Variants in ANKRD12 observed in about 807,000 individuals in gnomAD.
ANKRD12 encodes the protein ankyrin repeat domain-containing protein 12.
In ANKRD12, 85 loss-of-function variants were observed where a neutral mutation model predicts 183.4. The observed-to-expected ratio is 0.46, with a 90% CI of 0.39 to 0.56. ANKRD12 has a LOEUF of 0.56. Ranked by LOEUF, ANKRD12 falls within the 20% of genes least tolerant of loss-of-function variation. The pLI is 0.00. For synonymous variants in ANKRD12, 914 were observed against 800.2 expected (o/e 1.14, Z -2.40); for missense variants, 2,405 against 2,357.1 (o/e 1.02, Z -0.42).
chr18:9,215,450 GCTGT>G (rs1270872612), intron 6 of ANKRD12, among the ~76,000 whole-genome samples: 2 of 152,058 alleles, frequency 1.3e-5, no homozygotes, highest in African/African-American at 4.8e-5. Flanking sequence ...CAGGAAGGAG[GCTGT>G]CTTTTAGTGT....
chr18:9,202,966 G>T (rs2144528825), intron 3 of ANKRD12, among the ~76,000 whole-genome samples: 1 of 152,228 alleles, frequency 6.6e-6, no homozygotes, highest in African/African-American at 2.4e-5. Flanking sequence ...TGAAAGCTTA[G>T]TTTATTCACT....
intron 1 of ANKRD12, among the ~76,000 whole-genome samples, chr18:9,152,587 G>C (rs937372105): frequency 6.6e-6 from 1 of 151,240 alleles, no homozygotes; most frequent in African/African-American, 2.4e-5. Flanking sequence ...ACAGACTCTT[G>C]ATTAGTGAGT....
At chr18:9,270,091 A>G (rs1257146099) in intron 10 of ANKRD12, among the ~76,000 whole-genome samples, 3 of 152,222 alleles carry the variant, frequency 2.0e-5, no homozygotes, top group African/African-American at 7.2e-5. Flanking sequence ...TAGAATGGCG[A>G]TCATTAAAAA....
In ANKRD12 at chr18:9,172,774, G is replaced by A. The variant is rs532920918; in HGVS notation, c.-51-9608G>A. Among the ~76,000 whole-genome samples, 172 of 152,270 alleles carry A rather than the reference G, an allele frequency of 1.1e-3. 3 individuals carry two copies. Among genetic ancestry groups the A allele is most frequent in the African/African-American group, 3.9e-3 (164 of 41,540 alleles). The stretch of plus-strand genomic sequence containing the variant: ...TCTGTCCCCTTGCTGAAGAGGTGTT[G>A]TGGTAATTTAGAGAAGAGGCACTCT... On this transcript the variant is annotated intron_variant, in intron 1 of 12. Transcript: ENST00000262126.
chr18:9,234,289 A>T (rs2037219265), intron 8 of ANKRD12, among the ~76,000 whole-genome samples: 1 of 152,096 alleles, frequency 6.6e-6, no homozygotes, highest in African/African-American at 2.4e-5. Context: ...GGCAGAAGGG[A>T]TCCCACTCTA....
At chr18:9,173,640 A>C (rs2144033920) in intron 1 of ANKRD12, among the ~76,000 whole-genome samples, 5 of 150,002 alleles carry the variant, frequency 3.3e-5, no homozygotes, top group African/African-American at 7.5e-5. Context: ...GGGGGGCAGT[A>C]CTGACCTGTT....
intron 2 of ANKRD12, among the ~76,000 whole-genome samples, chr18:9,194,616 C>T (rs1198397452): frequency 1.3e-5 from 2 of 152,170 alleles, no homozygotes; most frequent in East Asian, 3.9e-4. Flanking sequence ...TGTGGCCTCC[C>T]ACAGTGCCGG....
chr18:9,193,284 G>T (rs973049573), intron 2 of ANKRD12, among the ~76,000 whole-genome samples: 1 of 151,810 alleles, frequency 6.6e-6, no homozygotes, highest in African/African-American at 2.4e-5. Flanking sequence ...GAACACAGGC[G>T]CATGCCACCA....
chr18:9,254,249 GA>G lies in ANKRD12; in HGVS notation c.983del (p.Asp328ValfsTer47). 1 of 1,595,740 alleles carries G rather than the reference GA, an allele frequency of 6.3e-7. No homozygotes were observed. Among genetic ancestry groups the G allele is most frequent in the Non-Finnish European group, 8.5e-7 (1 of 1,174,110 alleles). On this transcript the variant is annotated frameshift_variant, in exon 9 of 13. Transcript: ENST00000262126. LOFTEE classifies it high-confidence loss of function. ...EAQSVNPSSV[D>X]ENIDSETEKD... is the part of the protein sequence containing the mutation. ...TCAATCTGTAAATCCTTCTAGTGTTGATGAAAATATTGACTCTGAAACAGAG... is the reference window on the plus strand; with the variant it reads ...TCAATCTGTAAATCCTTCTAGTGTTGTGAAAATATTGACTCTGAAACAGAG...
At chr18:9,212,267 A>G (rs1284603717) in intron 6 of ANKRD12, among the ~76,000 whole-genome samples, 1 of 152,026 alleles carries the variant, frequency 6.6e-6, no homozygotes. Context: ...TTAATTTCAC[A>G]TACTGCACAA....
At chr18:9,223,869 AGTT>A (rs368227059) in intron 8 of ANKRD12, among the ~76,000 whole-genome samples, 1 of 152,208 alleles carries the variant, frequency 6.6e-6, no homozygotes, top group East Asian at 1.9e-4. Flanking sequence ...ACGAGACCAG[AGTT>A]GTTCTGTGTT....
chr18:9,166,758 T>A (rs892284460), intron 1 of ANKRD12, among the ~76,000 whole-genome samples: 5 of 152,316 alleles, frequency 3.3e-5, no homozygotes, highest in African/African-American at 1.2e-4. Flanking sequence ...TTTGTTGCCA[T>A]TGCTTTTGGT....
intron 9 of ANKRD12, chr18:9,259,468 T>TATATA (rs1491467228): frequency 1.3e-5 from 2 of 149,594 alleles, no homozygotes. Context: ...ATGCAGACTC[T>TATATA]ATATAAACAC....
chr18:9,250,115 T>C lies in ANKRD12; in HGVS notation c.944-4096T>C, dbSNP rs1208572557. On this transcript the variant is annotated intron_variant, in intron 8 of 12. Coordinates refer to ENST00000262126, the MANE Select transcript of ANKRD12 (RefSeq NM_015208.5). The stretch of plus-strand genomic sequence containing the variant: ...GCTTAATAAATAGTGGTAGTGGCTG[T>C]TCTGAGTCCATTGGTCTTTACAACT... 4 of 152,334 alleles carry C rather than the reference T, an allele frequency of 2.6e-5. No individual in the cohort carries two copies. The South Asian group carries it at 8.3e-4, about 32-fold the overall frequency. 9.4% of individuals were successfully genotyped at this position (152,334 alleles called of 1,614,324 possible). A position where few individuals can be genotyped will look rare whatever the true frequency, so the allele number is the denominator to read the frequency against.
intron 1 of ANKRD12, among the ~76,000 whole-genome samples, chr18:9,166,927 C>G (rs1025158555): frequency 8.5e-5 from 13 of 152,102 alleles, no homozygotes; most frequent in Non-Finnish European, 1.8e-4. Context: ...TTTCAGCTTC[C>G]TACATATGGC....
chr18:9,193,561 T>A (rs2034591929), intron 2 of ANKRD12, among the ~76,000 whole-genome samples: 1 of 152,176 alleles, frequency 6.6e-6, no homozygotes. Flanking sequence ...TTTTCATTAT[T>A]AAGTTCACCA....
rs529491685 is a variant in ANKRD12, at chr18:9,256,807, T to C, written c.3540T>C (p.Phe1180=). ...KNVMTLGKSS[F]VSDNSLNRSP... is the part of the protein sequence containing the mutation. ...TAATGACTTTAGGGAAGTCATCTTTTGTTTCAGATAATAGCTTAAACAGGT... is the reference window on the plus strand; with the variant it reads ...TAATGACTTTAGGGAAGTCATCTTTCGTTTCAGATAATAGCTTAAACAGGT... The change falls in exon 9 of 13, where the codon TTT becomes TTC. Residue 1180 remains phenylalanine, a synonymous_variant. Transcript: ENST00000262126. The C allele has an allele frequency of 1.2e-6, 2 of 1,614,090 alleles. No individual in the cohort carries two copies. The highest frequency in any genetic ancestry group is 2.7e-5 in the African/African-American group (2 of 75,042).
chr18:9,228,225 C>A (rs979319037), intron 8 of ANKRD12, among the ~76,000 whole-genome samples: 3 of 152,142 alleles, frequency 2.0e-5, no homozygotes, highest in Non-Finnish European at 2.9e-5. Context: ...TCCATTCATC[C>A]GTTGATGGGC....
At chr18:9,186,782 G>A (rs1239232208) in intron 2 of ANKRD12, among the ~76,000 whole-genome samples, 2 of 134,104 alleles carry the variant, frequency 1.5e-5, no homozygotes, top group African/African-American at 5.8e-5. Flanking sequence ...ACGGAGTCTC[G>A]CTCTTTTTCC....
Sources: allele counts gnomAD v4.1 joint callset (sites outside exome capture counted in the v4.1 genomes callset), GRCh38; gene constraint gnomAD v4.1.1; transcripts MANE v1.5; gene names NCBI Gene and HGNC (gene_info 2026-07-23, HGNC 2026-07-21).